The following GPC5 variants were observed in gnomAD, a reference collection of about 807,000 sequenced individuals.
GPC5 encodes the protein glypican 5.
In GPC5, 47 loss-of-function variants were observed where a neutral mutation model predicts 53.9. The observed-to-expected ratio is 0.87, with a 90% CI of 0.69 to 1.11. The LOEUF is 1.11. Ranked by LOEUF, GPC5 falls within the 50% of genes most tolerant of loss-of-function variation. GPC5 has a pLI of 0.00. For missense variants in GPC5, 748 were observed against 713.1 expected, an observed-to-expected ratio of 1.05 and a Z score of -0.56; for synonymous variants, 286 against 263.3, an observed-to-expected ratio of 1.09 and a Z score of -0.84.
intron 5 of GPC5, among the ~76,000 whole-genome samples, chr13:91,764,287 G>A (rs898351355): frequency 5.3e-5 from 8 of 152,082 alleles, no homozygotes; most frequent in Admixed American, 1.3e-4. Flanking sequence ...CTATGAATGC[G>A]GCAATAATTG....
chr13:91,936,475 A>G (rs1331141631), intron 6 of GPC5, among the ~76,000 whole-genome samples: 1 of 152,092 alleles, frequency 6.6e-6, no homozygotes, highest in Non-Finnish European at 1.5e-5. Context: ...TTTGATGACC[A>G]CAAAGCATCA....
intron 2 of GPC5, among the ~76,000 whole-genome samples, chr13:91,559,310 A>G (rs1249527957): frequency 6.6e-6 from 1 of 152,106 alleles, no homozygotes; most frequent in Non-Finnish European, 1.5e-5. Context: ...AAGATGTATG[A>G]TTTGGAACAA....
chr13:91,767,938 T>C (rs952808997), intron 5 of GPC5, among the ~76,000 whole-genome samples: 2 of 152,196 alleles, frequency 1.3e-5, no homozygotes, highest in Admixed American at 6.5e-5. Context: ...GGCTCCAGGA[T>C]GCCTGTTCTT....
In GPC5 at chr13:92,225,600, T is replaced by C. The variant is rs75894768; in HGVS notation, c.1561+80611T>C. Among the ~76,000 whole-genome samples the C allele has an allele frequency of 5.4e-3, 817 of 152,352 alleles. 12 individuals are homozygous for C. Among genetic ancestry groups the C allele is most frequent in the African/African-American group, 0.019 (781 of 41,578 alleles). Reference sequence around the variant, plus strand: ...ATTAATTGACCTGAAATAACATACATGAGCTTTTGCCAGCTTTCTGGATAC... The same window carrying C: ...ATTAATTGACCTGAAATAACATACACGAGCTTTTGCCAGCTTTCTGGATAC... On this transcript the variant is annotated intron_variant, in intron 7 of 7. Coordinates refer to ENST00000377067, the MANE Select transcript of GPC5 (RefSeq NM_004466.6).
chr13:91,984,103 A>G lies in GPC5; in HGVS notation c.1401+76046A>G, dbSNP rs2040385343. ...TGTCAAAGTAATTTCTCTTAAGTCA[A>G]TTCTGAGTTGTTTTCGGTGGTCCTC... On this transcript the variant is annotated intron_variant, in intron 6 of 7. Coordinates refer to ENST00000377067, the MANE Select transcript of GPC5 (RefSeq NM_004466.6). Among the ~76,000 whole-genome samples the G allele has an allele frequency of 3.3e-5, 5 of 152,234 alleles. 1 individual carries two copies. The South Asian group carries it at 1.0e-3, about 32-fold the overall frequency.
chr13:92,806,471 C>T (rs962289474), intron 7 of GPC5, among the ~76,000 whole-genome samples: 4 of 152,034 alleles, frequency 2.6e-5, no homozygotes, highest in African/African-American at 4.8e-5. Flanking sequence ...ATTCACAACT[C>T]GGCTTACTGG....
chr13:91,753,192 A>T (rs1395873666), intron 4 of GPC5, among the ~76,000 whole-genome samples: 1 of 152,184 alleles, frequency 6.6e-6, no homozygotes, highest in Non-Finnish European at 1.5e-5. Flanking sequence ...AAGAAACAAT[A>T]AGGCCTGATT....
At chr13:92,313,858 G>A (rs185510368) in intron 7 of GPC5, among the ~76,000 whole-genome samples, 1 of 152,132 alleles carries the variant, frequency 6.6e-6, no homozygotes, top group East Asian at 1.9e-4. Context: ...CTCCATTTTA[G>A]CACCAGAATG....
intron 5 of GPC5, among the ~76,000 whole-genome samples, chr13:91,882,670 G>GTTTTTTTTTTTTTTTTTTTTTTTGT: frequency 1.7e-5 from 1 of 59,322 alleles, no homozygotes; most frequent in Non-Finnish European, 3.0e-5. Context: ...TGTTTTTTGG[G>GTTTTTTTTTTTTTTTTTTTTTTTGT]TTTTTTTTTT....
At chr13:91,988,551 T>C (rs1034885291) in intron 6 of GPC5, among the ~76,000 whole-genome samples, 1 of 152,208 alleles carries the variant, frequency 6.6e-6, no homozygotes, top group South Asian at 2.1e-4. Context: ...ATCAGCGCTG[T>C]GAAAGGCATG....
chr13:92,691,476 A>C (rs1262134149), intron 7 of GPC5, among the ~76,000 whole-genome samples: 1 of 149,348 alleles, frequency 6.7e-6, no homozygotes, highest in East Asian at 2.1e-4. Flanking sequence ...GGCACTCCCT[A>C]GTGAGATGAA....
At chr13:91,834,732 T>C (rs57979657) in intron 5 of GPC5, among the ~76,000 whole-genome samples, 4,770 of 152,218 alleles carry the variant, frequency 0.031, 261 homozygotes, top group African/African-American at 0.11. Context: ...TTACACCTTA[T>C]ACAAAAATTA....
At chr13:92,103,265 G>A (rs1012852493) in intron 6 of GPC5, among the ~76,000 whole-genome samples, 1 of 152,100 alleles carries the variant, frequency 6.6e-6, no homozygotes. Flanking sequence ...GATTGCTGGA[G>A]ATTGCTGAGA....
chr13:92,146,024 A>G (rs1404965457), intron 7 of GPC5, among the ~76,000 whole-genome samples: 1 of 152,196 alleles, frequency 6.6e-6, no homozygotes, highest in East Asian at 1.9e-4. Context: ...AATGGAAGCC[A>G]AAAGAGGTGC....
At position 92,135,163 on chromosome 13, in the gene GPC5, A is replaced by C. The variant is rs144308820; in HGVS notation, c.1402-9667A>C. Among the ~76,000 whole-genome samples the C allele has an allele frequency of 9.7e-4, 147 of 152,068 alleles. 1 individual carries two copies. Among genetic ancestry groups the C allele is most frequent in the African/African-American group, 3.4e-3 (140 of 41,466 alleles). On this transcript the variant is annotated intron_variant, in intron 6 of 7. Transcript: ENST00000377067. The stretch of plus-strand genomic sequence containing the variant: ...TCTGAATCTTTCCAGTGAACTTAAC[A>C]TGGATGTTTTGATAGAAAGCTCTGA...
At chr13:92,691,151 T>C (rs1228649107) in intron 7 of GPC5, among the ~76,000 whole-genome samples, 3 of 100,228 alleles carry the variant, frequency 3.0e-5, no homozygotes, top group African/African-American at 4.1e-5. Context: ...CAATGGCGGG[T>C]GCCCCTCCCC....
intron 7 of GPC5, among the ~76,000 whole-genome samples, chr13:92,236,287 T>C (rs2042569018): frequency 6.6e-6 from 1 of 152,078 alleles, no homozygotes. Context: ...ATGAAACTTG[T>C]ACCTACAAAT....
chr13:92,471,540 A>AT (rs1566605153), intron 7 of GPC5, among the ~76,000 whole-genome samples: 1 of 151,868 alleles, frequency 6.6e-6, no homozygotes, highest in African/African-American at 2.4e-5. Context: ...AGGAACGTAC[A>AT]TCTGGCAGAG....
chr13:92,676,283 T>C (rs1376338801), intron 7 of GPC5, among the ~76,000 whole-genome samples: 1 of 152,150 alleles, frequency 6.6e-6, no homozygotes, highest in Admixed American at 6.6e-5. Flanking sequence ...ATGAAGGTCA[T>C]TTGTAAGCCT....
Sources: allele counts gnomAD v4.1 joint callset (sites outside exome capture counted in the v4.1 genomes callset), GRCh38; gene constraint gnomAD v4.1.1; transcripts MANE v1.5; gene names NCBI Gene and HGNC (gene_info 2026-07-23, HGNC 2026-07-21).